Variants in PFKP observed in about 807,000 individuals in gnomAD.
PFKP encodes phosphofructokinase, platelet.
PFKP carries 101 observed loss-of-function variants against 94.3 expected under a neutral mutation model. The observed-to-expected ratio is 1.07, with a 90% CI of 0.91 to 1.26. The LOEUF (loss-of-function observed/expected upper bound fraction) is 1.26. Ranked by LOEUF, PFKP falls within the 50% of genes most tolerant of loss-of-function variation. The pLI is 0.00. For missense variants in PFKP, 1,145 were observed against 1,103.3 expected, an observed-to-expected ratio of 1.04 and a Z score of -0.53; for synonymous variants, 573 against 432.6, an observed-to-expected ratio of 1.32 and a Z score of -4.03.
intron 5 of PFKP, 52 bp from the exon 6 acceptor site, chr10:3,105,063 T>C: frequency 1.3e-6 from 2 of 1,568,614 alleles, no homozygotes; most frequent in Non-Finnish European, 1.8e-6. Context: ...GTGCTCCCTC[T>C]GTTTCTCTGC....
chr10:3,089,323 G>T (rs1054841065), intron 2 of PFKP, among the ~76,000 whole-genome samples: 1 of 152,200 alleles, frequency 6.6e-6, no homozygotes, highest in African/African-American at 2.4e-5. Flanking sequence ...ACGGTGTTGT[G>T]TTGTGGGCGT....
chr10:3,109,305 A>G (rs373726285), intron 9 of PFKP, 50 bp from the exon 10 acceptor site: 4 of 1,601,750 alleles, frequency 2.5e-6, no homozygotes, highest in African/African-American at 1.3e-5. Flanking sequence ...GGTGACAGGG[A>G]CAGGGCAGGA....
chr10:3,101,638 G>A (rs933623128), intron 4 of PFKP, 84 bp downstream of exon 4: 1 of 958,590 alleles, frequency 1.0e-6, no homozygotes, highest in Non-Finnish European at 1.5e-6. Flanking sequence ...TCTTCACTGT[G>A]GCAGAAGTAC....
At position 3,071,578 on chromosome 10, in the gene PFKP, C is replaced by T. The variant is rs548921016; in HGVS notation, c.112+3871C>T. The stretch of plus-strand genomic sequence containing the variant: ...ATGGCGGACTTACCATGACTAAGTC[C>T]CCACTGCCACAGAACACTGTGCCAC... On this transcript the variant is annotated intron_variant, in intron 1 of 21. Coordinates refer to ENST00000381125, the MANE Select transcript of PFKP (RefSeq NM_002627.5). 3.9e-5 allele frequency among the ~76,000 whole-genome samples: 6 copies of T among 152,074 alleles called. No individual in the cohort carries two copies. The East Asian group carries it at 1.2e-3, about 29-fold the overall frequency.
intron 16 of PFKP, among the ~76,000 whole-genome samples, chr10:3,124,116 T>C (rs1000324748): frequency 2.0e-5 from 3 of 152,134 alleles, no homozygotes; most frequent in Non-Finnish European, 4.4e-5. Context: ...TGCTTTGCGT[T>C]GCACCAGGGC....
At chr10:3,104,321 A>G (rs1835327997) in intron 5 of PFKP, among the ~76,000 whole-genome samples, 1 of 152,224 alleles carries the variant, frequency 6.6e-6, no homozygotes, top group Non-Finnish European at 1.5e-5. Context: ...TAACCTACGG[A>G]TTCACGAAGT....
chr10:3,079,880 G>A (rs566193370), intron 1 of PFKP, among the ~76,000 whole-genome samples: 2 of 152,234 alleles, frequency 1.3e-5, no homozygotes, highest in South Asian at 4.2e-4. Context: ...AGAGATGAGC[G>A]AGGACCTTCC....
At chr10:3,082,197 G>T (rs1833137328) in intron 1 of PFKP, among the ~76,000 whole-genome samples, 191 bp from the exon 2 acceptor site, 1 of 151,992 alleles carries the variant, frequency 6.6e-6, no homozygotes, top group Non-Finnish European at 1.5e-5. Flanking sequence ...GGGCATGGGG[G>T]TACCTTGCGT....
At chr10:3,102,250 CAAAAAA>C (rs757381364) in intron 4 of PFKP, among the ~76,000 whole-genome samples, 5 of 54,776 alleles carry the variant, frequency 9.1e-5, no homozygotes, top group Admixed American at 5.9e-4. Flanking sequence ...GACTCTGTCT[CAAAAAA>C]AAAAAAAAAA....
At chr10:3,083,528 A>G (rs965683815) in intron 2 of PFKP, among the ~76,000 whole-genome samples, 1 of 152,112 alleles carries the variant, frequency 6.6e-6, no homozygotes, top group Non-Finnish European at 1.5e-5. Context: ...AACACCGGAA[A>G]GAAACACACA....
chr10:3,133,161 C>T (rs2131730313), intron 18 of PFKP, 42 bp from the exon 19 acceptor site: 1 of 1,446,578 alleles, frequency 6.9e-7, no homozygotes, highest in Non-Finnish European at 9.7e-7. Context: ...GCCACGTGCC[C>T]ACTGCACGCT....
chr10:3,069,374 G>T, intron 1 of PFKP: 1 of 1,590,010 alleles, frequency 6.3e-7, no homozygotes, highest in Non-Finnish European at 8.6e-7. Flanking sequence ...ACTTAAACCG[G>T]CCCGGAGATG....
chr10:3,092,575 C>A (rs1368082545), intron 2 of PFKP, among the ~76,000 whole-genome samples: 2 of 152,110 alleles, frequency 1.3e-5, no homozygotes, highest in Non-Finnish European at 2.9e-5. Context: ...CCCAGGGTGA[C>A]AGACACCCCA....
At position 3,113,161 on chromosome 10, in the gene PFKP, C is replaced by T. The variant is rs3816699; in HGVS notation, c.1197C>T (p.Ile399=). 0.15 allele frequency: 240,804 copies of T among 1,612,188 alleles called. 18,807 individuals are homozygous for T. Among genetic ancestry groups the T allele is most frequent in the Admixed American group, 0.2 (11,878 of 59,768 alleles). Residue 399 remains isoleucine, a synonymous_variant, in exon 12 of 22, where the codon ATC becomes ATT. Transcript: ENST00000381125. The part of the protein sequence containing the change: ...GNLNTYKRLA[I]KLPDDQIPKT... The stretch of plus-strand genomic sequence containing the variant: ...TGAACACCTACAAGCGACTTGCCAT[C>T]AAGCTGCCGGATGATCAGATCCCAA...
chr10:3,126,037 C>T lies in PFKP; in HGVS notation c.1684-3782C>T, dbSNP rs566624473. ...GCATCGCGTGCGGGGACAGCAGCCA[C>T]TGGCCTTTACCTTACATCTTGACGT... is the stretch of plus-strand genomic sequence containing the variant. On this transcript the variant is annotated intron_variant, in intron 16 of 21. Coordinates refer to ENST00000381125, the MANE Select transcript of PFKP (RefSeq NM_002627.5). 1.1e-4 allele frequency among the ~76,000 whole-genome samples: 17 copies of T among 152,342 alleles called. No homozygotes were observed. In the South Asian group the frequency reaches 2.9e-3, roughly 26 times the overall value.
chr10:3,109,902 C>A (rs1171067617), intron 10 of PFKP, among the ~76,000 whole-genome samples: 21 of 150,964 alleles, frequency 1.4e-4, no homozygotes, highest in East Asian at 2.0e-4. Context: ...GCAGAGGGGG[C>A]AGGGAGGCAG....
At chr10:3,106,485 C>T (rs1013406456) in intron 7 of PFKP, among the ~76,000 whole-genome samples, 2 of 151,828 alleles carry the variant, frequency 1.3e-5, no homozygotes, top group African/African-American at 4.8e-5. Flanking sequence ...CACCAGCACC[C>T]TCCACCTGGG....
chr10:3,098,794 T>C (rs1466451400), intron 2 of PFKP, among the ~76,000 whole-genome samples: 2 of 152,172 alleles, frequency 1.3e-5, no homozygotes, highest in Non-Finnish European at 2.9e-5. Flanking sequence ...CAGACAATTA[T>C]TATTCAGCTG....
intron 8 of PFKP, among the ~76,000 whole-genome samples, chr10:3,108,258 G>A (rs1434107509): frequency 3.9e-5 from 6 of 152,228 alleles, no homozygotes; most frequent in Admixed American, 6.5e-5. Flanking sequence ...TCACCGGGCC[G>A]GTGTGCCCAT....
Sources: gnomAD v4.1 joint callset for allele counts (sites outside exome capture counted in the v4.1 genomes callset) on GRCh38, gnomAD v4.1.1 for gene constraint, MANE v1.5 for transcripts, NCBI Gene and HGNC (gene_info 2026-07-23, HGNC 2026-07-21) for gene names.